The following PCDHGA9 variants were observed in gnomAD, a reference collection of about 807,000 sequenced individuals.
The protein encoded by PCDHGA9 is protocadherin gamma-A9.
A neutral mutation model predicts 62.5 loss-of-function variants in PCDHGA9; 37 were observed. The observed-to-expected ratio is 0.59, with a 90% CI of 0.46 to 0.78. The LOEUF (loss-of-function observed/expected upper bound fraction) is 0.78, where lower values mean the gene tolerates loss of function less well. Ranked by LOEUF, PCDHGA9 falls within the 30% of genes least tolerant of loss-of-function variation. PCDHGA9 has a pLI of 0.00. For missense variants in PCDHGA9, 1,138 were observed against 1,166.2 expected, an observed-to-expected ratio of 0.98 and a Z score of 0.35; for synonymous variants, 459 against 484.6, an observed-to-expected ratio of 0.95 and a Z score of 0.69.
At chr5:141,420,406 T>C (rs2096494414) in intron 1 of PCDHGA9, 1 of 1,241,672 alleles carries the variant, frequency 8.1e-7, no homozygotes, top group Non-Finnish European at 1.1e-6. Context: ...AATTTATGGT[T>C]ATCATTATTA....
At chr5:141,473,974 C>A (rs958240236) in intron 1 of PCDHGA9, among the ~76,000 whole-genome samples, 1 of 152,054 alleles carries the variant, frequency 6.6e-6, no homozygotes, top group Non-Finnish European at 1.5e-5. Flanking sequence ...AAGTCTGAGG[C>A]GGGAGGATCC....
At chr5:141,458,694 C>G (rs905547768) in intron 1 of PCDHGA9, among the ~76,000 whole-genome samples, 1 of 152,136 alleles carries the variant, frequency 6.6e-6, no homozygotes, top group East Asian at 1.9e-4. Context: ...CTCAGCCTCC[C>G]GAGTAGCTGG....
chr5:141,510,272 TAAAA>T (rs546154379), intron 3 of PCDHGA9, among the ~76,000 whole-genome samples: 1 of 130,390 alleles, frequency 7.7e-6, no homozygotes, highest in East Asian at 2.2e-4. Context: ...GACTCCATCT[TAAAA>T]AAAAAAAAAA....
intron 2 of PCDHGA9, among the ~76,000 whole-genome samples, chr5:141,498,604 C>G (rs1445417630): frequency 6.6e-6 from 1 of 152,122 alleles, no homozygotes; most frequent in East Asian, 1.9e-4. Flanking sequence ...GGTTCAAGTT[C>G]AAGTCAGCAC....
intron 1 of PCDHGA9, chr5:141,419,166 A>G: frequency 6.2e-7 from 1 of 1,613,944 alleles, no homozygotes; most frequent in Non-Finnish European, 8.5e-7. Context: ...TCCTCCAGCA[A>G]AACCATAACC....
chr5:141,415,819 T>C, intron 1 of PCDHGA9: 1 of 1,328,322 alleles, frequency 7.5e-7, no homozygotes, highest in Admixed American at 3.5e-5. Context: ...CTATATATCA[T>C]AAGGCTTTGT....
chr5:141,487,423 C>T lies in PCDHGA9; in HGVS notation c.2425-7384C>T. 1 of 1,614,158 alleles carries T rather than the reference C, an allele frequency of 6.2e-7. No homozygotes were observed. Among genetic ancestry groups the T allele is most frequent in the Non-Finnish European group, 8.5e-7 (1 of 1,180,012 alleles). On this transcript the variant is annotated intron_variant, in intron 1 of 3. Transcript: ENST00000573521. The surrounding 1 kb of genome is among the most constrained non-coding windows in gnomAD (Gnocchi z 5.0). ...GGCTTCCCCCTTCCAATGGGATCCTCCGAATCCAGCTAGGGTCAGATGACC... is the reference window on the plus strand; with the variant it reads ...GGCTTCCCCCTTCCAATGGGATCCTTCGAATCCAGCTAGGGTCAGATGACC...
At chr5:141,438,210 A>G (rs1228726792) in intron 1 of PCDHGA9, among the ~76,000 whole-genome samples, 2 of 152,188 alleles carry the variant, frequency 1.3e-5, no homozygotes, top group Non-Finnish European at 2.9e-5. Flanking sequence ...ACCATATGGG[A>G]AGGGCTCTGG....
At chr5:141,418,287 G>C in intron 1 of PCDHGA9, 1 of 1,614,020 alleles carries the variant, frequency 6.2e-7, no homozygotes, top group South Asian at 1.1e-5. Context: ...TTAGAAATCA[G>C]TGAATCCGTC....
chr5:141,428,436 A>G (rs922762798), intron 1 of PCDHGA9: 5 of 401,736 alleles, frequency 1.2e-5, no homozygotes, highest in Non-Finnish European at 2.3e-5. Flanking sequence ...CTAAGACTAG[A>G]CCAGGGGTTT....
rs984222446 is a variant in PCDHGA9 at position 141,493,942 on chromosome 5, G to T, written c.2425-865G>T. ...ACACACCCCCTGGAAAGACCAGAAG[G>T]GACTCAGGAATGAAGTGGCTGGCCA... On this transcript the variant is annotated intron_variant, in intron 1 of 3. Transcript: ENST00000573521. The surrounding 1 kb of genome is among the most constrained non-coding windows in gnomAD (Gnocchi z 4.3). Among the ~76,000 whole-genome samples the T allele has an allele frequency of 1.3e-5, 2 of 152,168 alleles. No individual in the cohort carries two copies. Among genetic ancestry groups the T allele is most frequent in the Non-Finnish European group, 1.5e-5 (1 of 68,022 alleles).
intron 1 of PCDHGA9, chr5:141,413,132 A>C (rs1313665743): frequency 1.3e-6 from 2 of 1,542,144 alleles, no homozygotes; most frequent in Admixed American, 4.0e-5. Context: ...GAAACACACA[A>C]CGTGTCCAGT....
chr5:141,460,430 G>T (rs1163518139), intron 1 of PCDHGA9, among the ~76,000 whole-genome samples: 2 of 152,110 alleles, frequency 1.3e-5, no homozygotes, highest in African/African-American at 4.8e-5. Flanking sequence ...ATGGTGTATG[G>T]TGTGAGGTAA....
rs763097687 is a variant in PCDHGA9 at position 141,489,361 on chromosome 5, C to G, written c.2425-5446C>G. On this transcript the variant is annotated intron_variant, in intron 1 of 3. Transcript: ENST00000573521. This position sits in a 1 kb window ranked among gnomAD's most constrained non-coding sequence, Gnocchi z 4.5. Reference sequence around the variant, plus strand: ...TTACTCAGTGGTGGAGGAGTCTGAGCCGGGGACGCTGGTGGGGAATGTTGC... The same window carrying G: ...TTACTCAGTGGTGGAGGAGTCTGAGGCGGGGACGCTGGTGGGGAATGTTGC... 6.2e-7 allele frequency: 1 copy of G among 1,612,762 alleles called. No homozygotes were observed. Among genetic ancestry groups the G allele is most frequent in the African/African-American group, 1.3e-5 (1 of 74,874 alleles).
At chr5:141,461,185 C>T (rs2154567265) in intron 1 of PCDHGA9, among the ~76,000 whole-genome samples, 1 of 152,134 alleles carries the variant, frequency 6.6e-6, no homozygotes, top group East Asian at 1.9e-4. Context: ...AATGGTAGAT[C>T]TGTTTTTTGC....
chr5:141,467,756 T>A (rs1312303182), intron 1 of PCDHGA9, among the ~76,000 whole-genome samples: 5 of 151,988 alleles, frequency 3.3e-5, no homozygotes, highest in African/African-American at 1.2e-4. Flanking sequence ...CCGCCTCACA[T>A]GCTCAAGTGC....
At chr5:141,444,788 G>T (rs775248284) in intron 1 of PCDHGA9, among the ~76,000 whole-genome samples, 59 of 151,920 alleles carry the variant, frequency 3.9e-4, no homozygotes, top group Non-Finnish European at 5.7e-4. Context: ...TGTTTCATTT[G>T]TCTATTCTTT....
rs115982940 is a variant in PCDHGA9, at chr5:141,457,996, G to A, written c.2425-36811G>A. On this transcript the variant is annotated intron_variant, in intron 1 of 3. Transcript: ENST00000573521. ...AACACACCCTTTCAGTTAAAGCCTTGGCAAAATAACCGGTTTTTCCAATTG... is the reference window on the plus strand; with the variant it reads ...AACACACCCTTTCAGTTAAAGCCTTAGCAAAATAACCGGTTTTTCCAATTG... Among the ~76,000 whole-genome samples the A allele has an allele frequency of 2.4e-3, 372 of 152,212 alleles. 2 individuals carry two copies. Among genetic ancestry groups the A allele is most frequent in the African/African-American group, 8.4e-3 (347 of 41,522 alleles).
intron 1 of PCDHGA9, chr5:141,413,664 T>A: frequency 6.2e-7 from 1 of 1,613,858 alleles, no homozygotes; most frequent in Non-Finnish European, 8.5e-7. Flanking sequence ...AAGCTATTGA[T>A]CCGGATGTGG....
Sources: gnomAD v4.1 joint callset for allele counts (sites outside exome capture counted in the v4.1 genomes callset) on GRCh38, gnomAD v4.1.1 for gene constraint, Gnocchi (gnomAD v3.1) non-coding constraint, MANE v1.5 for transcripts, NCBI Gene and HGNC (gene_info 2026-07-23, HGNC 2026-07-21) for gene names.